LHX3: variants seen among roughly 807,000 people sequenced by gnomAD.
The protein encoded by LHX3 is LIM homeobox 3, also known as LIM/homeobox protein Lhx3.
Under a neutral mutation model 32.4 loss-of-function variants are expected in LHX3, and 21 were observed. The ratio of observed to expected loss-of-function variants is 0.65; its 90% confidence interval spans 0.46 to 0.93. The LOEUF is 0.93. Among genes scored for constraint, LHX3 ranks in the 40% least tolerant of loss-of-function variants. The probability of loss-of-function intolerance (pLI) is 0.00; values close to 1 mark genes in which losing one functional copy is unlikely to be tolerated. For synonymous variants in LHX3, 258 were observed against 246.8 expected (o/e 1.05, Z -0.43); for missense variants, 626 against 560.0 (o/e 1.12, Z -1.19).
chr9:136,199,176 G>A, intron 3 of LHX3, 117 bp from the exon 4 acceptor site: 1 of 472,694 alleles, frequency 2.1e-6, no homozygotes. Context: ...CCCCCATCCC[G>A]CCCCACAGGC....
intron 1 of LHX3, chr9:136,203,132 C>A (rs1329425783): frequency 2.8e-6 from 4 of 1,411,742 alleles, no homozygotes; most frequent in South Asian, 1.4e-5. Context: ...GGCGTCCAAG[C>A]GACTCCGGGT....
intron 5 of LHX3, among the ~76,000 whole-genome samples, chr9:136,198,371 C>T (rs931559214): frequency 6.6e-6 from 1 of 152,198 alleles, no homozygotes; most frequent in African/African-American, 2.4e-5. Context: ...GGCCTGGACA[C>T]GCCCACCCCC....
In LHX3 at chr9:136,198,772, C is replaced by A. The variant is rs544993271; in HGVS notation, c.655G>T (p.Ala219Ser). 6.2e-7 allele frequency: 1 copy of A among 1,611,070 alleles called. No individual in the cohort carries two copies. Among genetic ancestry groups the A allele is most frequent in the Non-Finnish European group, 8.5e-7 (1 of 1,179,758 alleles). ...TACTGCCCCCAGCGCTGCCGGCCGG[C>A]GTCCTTCTTCAGCCTCTTCTCCTTG... ...RAKEKRLKKD[A>S]GRQRWGQYFR... is the part of the protein sequence containing the mutation. The change falls in exon 5 of 6, where the codon GCC becomes TCC. Residue 219 changes from alanine (A) to serine (S), a missense_variant. Ala to Ser is a moderately conservative substitution (Grantham distance 99). Transcript: ENST00000371748.
rs536168219 is a variant in LHX3, at chr9:136,197,122, G to T, written c.*203C>A. The T allele has an allele frequency of 3.3e-6, 2 of 603,700 alleles. No homozygotes were observed. Among genetic ancestry groups the T allele is most frequent in the Non-Finnish European group, 5.9e-6 (2 of 341,610 alleles). The allele number at this position is 603,700 out of a possible 1,614,324, so 37.4% of individuals were successfully genotyped here. A position where few individuals can be genotyped will look rare whatever the true frequency, so the allele number is the denominator to read the frequency against. On this transcript the variant is annotated 3_prime_UTR_variant, in exon 6 of 6. Transcript: ENST00000371748. ...CTGGCTTGCTGGGAGGCCACCTGGCGGGCCAGCCCTGTGTCAGAGGAGGGG... is the reference window on the plus strand; with the variant it reads ...CTGGCTTGCTGGGAGGCCACCTGGCTGGCCAGCCCTGTGTCAGAGGAGGGG...
rs755264990 is a variant in LHX3 at position 136,199,733 on chromosome 9, G to T, written c.399C>A (p.Leu133=). ...TGCACACGAGCCGGCTGTCCTCCAT[G>T]AGGTAGAACTCGTCGCCCGTGGCCA... is the stretch of plus-strand genomic sequence containing the variant. ...RQLATGDEFY[L]MEDSRLVCKA... Residue 133 remains leucine, a synonymous_variant, in exon 3 of 6, where the codon CTC becomes CTA. Transcript: ENST00000371748. 1.2e-6 allele frequency: 2 copies of T among 1,612,830 alleles called. No individual in the cohort carries two copies. Among genetic ancestry groups the T allele is most frequent in the Admixed American group, 1.7e-5 (1 of 60,008 alleles).
In LHX3 at chr9:136,197,088, C is replaced by T. The variant is rs1252042714; in HGVS notation, c.*237G>A. 1.7e-6 allele frequency: 1 copy of T among 589,886 alleles called. No individual in the cohort carries two copies. The highest frequency in any genetic ancestry group is 3.0e-6 in the Non-Finnish European group (1 of 330,392). 36.5% of individuals were successfully genotyped at this position (589,886 alleles called of 1,614,324 possible). A position where few individuals can be genotyped will look rare whatever the true frequency, so the allele number is the denominator to read the frequency against. On this transcript the variant is annotated 3_prime_UTR_variant, in exon 6 of 6. Transcript: ENST00000371748. ...TCAATAAAGGGGAGAAATTTGCTTACAAAAAAGGCTGGCTTGCTGGGAGGC... is the reference window on the plus strand; with the variant it reads ...TCAATAAAGGGGAGAAATTTGCTTATAAAAAAGGCTGGCTTGCTGGGAGGC...
Position 136,200,704 on chromosome 9 carries a change from G to A in LHX3, c.129C>T (p.Ile43=), listed in dbSNP as rs2131036295. The part of the protein sequence containing the change: ...GCDQHILDRF[I]LKALDRHWHS... Reference sequence around the variant, plus strand: ...GCCAGTGGCGGTCCAGAGCCTTGAGGATGAAGCGGTCCAGGATGTGCTGGT... The same window carrying A: ...GCCAGTGGCGGTCCAGAGCCTTGAGAATGAAGCGGTCCAGGATGTGCTGGT... Residue 43 remains isoleucine (I), a synonymous_variant, in exon 2 of 6, where the codon ATC becomes ATT. Transcript: ENST00000371748. 2 of 1,613,582 alleles carry A rather than the reference G, an allele frequency of 1.2e-6. No individual in the cohort carries two copies. Among genetic ancestry groups the A allele is most frequent in the South Asian group, 1.1e-5 (1 of 91,082 alleles).
At chr9:136,201,110 G>T (rs1831630342) in intron 1 of LHX3, 2 of 1,404,372 alleles carry the variant, frequency 1.4e-6, no homozygotes, top group Non-Finnish European at 9.2e-7. Flanking sequence ...ACCCCAGGGG[G>T]ATCTGCTCTC....
chr9:136,200,158 T>G, intron 2 of LHX3: 1 of 584,268 alleles, frequency 1.7e-6, no homozygotes, highest in Non-Finnish European at 3.1e-6. Context: ...AGAGGACCCA[T>G]CTGGGGCCAG....
chr9:136,201,053 G>T, intron 1 of LHX3: 1 of 1,156,498 alleles, frequency 8.6e-7, no homozygotes, highest in Non-Finnish European at 1.2e-6. Context: ...ATTACAAAAT[G>T]TTGCCAGTGC....
chr9:136,198,335 C>T (rs1831545412), intron 5 of LHX3, among the ~76,000 whole-genome samples: 1 of 152,226 alleles, frequency 6.6e-6, no homozygotes. Flanking sequence ...CTAAAAATCA[C>T]TGCAAGGGCT....
rs2131030025 is a variant in LHX3 at position 136,197,475 on chromosome 9, G to A, written c.1044C>T (p.Pro348=). 6.4e-7 allele frequency: 1 copy of A among 1,569,376 alleles called. No homozygotes were observed. The highest frequency in any genetic ancestry group is 8.6e-7 in the Non-Finnish European group (1 of 1,158,082). The change falls in exon 6 of 6, where the codon CCC becomes CCT. Residue 348 remains proline, a synonymous_variant. Coordinates refer to ENST00000371748, the MANE Select transcript of LHX3 (RefSeq NM_178138.6). The part of the protein sequence containing the change: ...VYPDTSLGLV[P]SGAPGGPPPM... Reference sequence around the variant, plus strand: ...GTGGGGGCCCGCCGGGGGCTCCCGAGGGCACAAGGCCCAAGCTGGTGTCTG... The same window carrying A: ...GTGGGGGCCCGCCGGGGGCTCCCGAAGGCACAAGGCCCAAGCTGGTGTCTG...
rs201482417 is a variant in LHX3 at position 136,200,572 on chromosome 9, C to T, written c.251+10G>A. 2.7e-5 allele frequency: 43 copies of T among 1,612,906 alleles called. No homozygotes were observed. The East Asian group carries it at 8.0e-4, about 30-fold the overall frequency. ...CCGCTCCCACACTGAGGTGAGGTTT[C>T]GGGGCTCACTTGAAAAAGTCGTCCT... On this transcript the variant is annotated intron_variant, in intron 2 of 5. Transcript: ENST00000371748.
chr9:136,201,225 G>C lies in LHX3; in HGVS notation c.80-472C>G. On this transcript the variant is annotated intron_variant, in intron 1 of 5. Coordinates refer to ENST00000371748, the MANE Select transcript of LHX3 (RefSeq NM_178138.6). ...TTAAGCGTCATGGCCACTCTTTCTA[G>C]GGACTCCTCGCAAATGTGGCTGCCC... 3.9e-6 allele frequency: 5 copies of C among 1,293,434 alleles called. No homozygotes were observed. In the South Asian group the frequency reaches 1.5e-4, roughly 39 times the overall value. 80.1% of individuals were successfully genotyped at this position (1,293,434 alleles called of 1,614,324 possible). A position where few individuals can be genotyped will look rare whatever the true frequency, so the allele number is the denominator to read the frequency against.
chr9:136,199,598 C>T, intron 3 of LHX3, 80 bp downstream of exon 3: 1 of 1,480,422 alleles, frequency 6.8e-7, no homozygotes, highest in Admixed American at 1.7e-5. Flanking sequence ...AGAGAATTTC[C>T]CCGGACGCCC....
intron 1 of LHX3, chr9:136,203,141 G>T: frequency 2.2e-6 from 3 of 1,390,916 alleles, no homozygotes; most frequent in Non-Finnish European, 2.8e-6. Flanking sequence ...GCGACTCCGG[G>T]TGCTGCTGGG....
chr9:136,198,625 C>CCA, intron 5 of LHX3, 27 bp downstream of exon 5: 1 of 1,559,626 alleles, frequency 6.4e-7, no homozygotes, highest in Non-Finnish European at 8.6e-7. Context: ...CTCGTCCCCC[C>CCA]CCGAGCTCCG....
chr9:136,200,056 G>A, intron 2 of LHX3, 176 bp from the exon 3 acceptor site: 1 of 713,564 alleles, frequency 1.4e-6, no homozygotes, highest in Non-Finnish European at 2.5e-6. Flanking sequence ...CTCCCACTGA[G>A]AAGGGAACCT....
At chr9:136,203,060 G>A (rs1454287958) in intron 1 of LHX3, 2 of 1,516,000 alleles carry the variant, frequency 1.3e-6, no homozygotes, top group Admixed American at 4.1e-5. Flanking sequence ...GCCCGGCGTC[G>A]CCACTCTCCA....
Sources: allele counts gnomAD v4.1 joint callset (sites outside exome capture counted in the v4.1 genomes callset), GRCh38; gene constraint gnomAD v4.1.1; transcripts MANE v1.5; gene names NCBI Gene and HGNC (gene_info 2026-07-23, HGNC 2026-07-21).